Variants in LRMDA observed in about 807,000 individuals in gnomAD.
LRMDA encodes the protein leucine rich melanocyte differentiation associated.
In LRMDA, 18 loss-of-function variants were observed where a neutral mutation model predicts 29.8. The ratio of observed to expected loss-of-function variants is 0.60; its 90% CI spans 0.42 to 0.90. LRMDA has a LOEUF of 0.90. Among genes scored for constraint, LRMDA ranks in the 40% least tolerant of loss-of-function variants. The probability of loss-of-function intolerance (pLI) is 0.00; values close to 1 mark genes in which losing one functional copy is unlikely to be tolerated. For missense variants in LRMDA, 273 were observed against 273.9 expected (o/e 1.00, Z 0.02); for synonymous variants, 125 against 109.4 (o/e 1.14, Z -0.89).
chr10:75,782,671 C>T (rs1355895553), intron 2 of LRMDA: 33 of 1,079,532 alleles, frequency 3.1e-5, no homozygotes, highest in African/African-American at 8.0e-5. Flanking sequence ...TCCTCGCTGC[C>T]GGTGCAGTTC....
In LRMDA at chr10:75,910,251, A is replaced by T. The variant is rs144822807; in HGVS notation, c.132-125757A>T. 1.1e-4 allele frequency among the ~76,000 whole-genome samples: 17 copies of T among 152,302 alleles called. No individual in the cohort carries two copies. In the East Asian group the frequency reaches 3.3e-3, roughly 29 times the overall value. On this transcript the variant is annotated intron_variant, in intron 2 of 6. Coordinates refer to ENST00000611255, the MANE Select transcript of LRMDA (RefSeq NM_001305581.2). ...CCCTCTGGTGGTCAAAGTAATTCCT[A>T]TGTGGCTCTTTTAGATGAGTTGGAA...
At chr10:75,954,082 G>T (rs1373534476) in intron 2 of LRMDA, among the ~76,000 whole-genome samples, 1 of 152,212 alleles carries the variant, frequency 6.6e-6, no homozygotes, top group Non-Finnish European at 1.5e-5. Context: ...GCAGAAAGTG[G>T]ATCACAGCCA....
chr10:76,179,230 A>G (rs911221812), intron 5 of LRMDA, among the ~76,000 whole-genome samples: 1 of 152,086 alleles, frequency 6.6e-6, no homozygotes, highest in African/African-American at 2.4e-5. Context: ...ATAGGATGCA[A>G]TCAAGGAGGG....
At chr10:76,114,607 G>A (rs150177028) in intron 5 of LRMDA, among the ~76,000 whole-genome samples, 63 of 152,288 alleles carry the variant, frequency 4.1e-4, no homozygotes, top group African/African-American at 1.4e-3. Flanking sequence ...GATAGGTCGA[G>A]TTTACATAGG....
intron 2 of LRMDA, among the ~76,000 whole-genome samples, chr10:75,924,263 A>G (rs1846079756): frequency 1.3e-5 from 2 of 152,228 alleles, no homozygotes; most frequent in Non-Finnish European, 2.9e-5. Flanking sequence ...TATTAAGCAC[A>G]ACAACTACGC....
chr10:75,609,541 C>T (rs1841001564), intron 2 of LRMDA, among the ~76,000 whole-genome samples: 1 of 152,096 alleles, frequency 6.6e-6, no homozygotes, highest in African/African-American at 2.4e-5. Context: ...AGCATCTTTC[C>T]CCTTTTAAGA....
chr10:76,523,564 G>A (rs2132364532), intron 6 of LRMDA, among the ~76,000 whole-genome samples: 2 of 148,114 alleles, frequency 1.4e-5, no homozygotes, highest in Middle Eastern at 6.8e-3. Flanking sequence ...CCACTTGCTG[G>A]AGTTTTCTGC....
chr10:76,271,108 A>T (rs1170040922), intron 5 of LRMDA, among the ~76,000 whole-genome samples: 2 of 152,184 alleles, frequency 1.3e-5, no homozygotes, highest in Non-Finnish European at 2.9e-5. Flanking sequence ...ACAGATCCAT[A>T]TGTAATCAAG....
intron 2 of LRMDA, among the ~76,000 whole-genome samples, chr10:75,693,497 C>T (rs1842196127): frequency 6.6e-6 from 1 of 152,144 alleles, no homozygotes; most frequent in South Asian, 2.1e-4. Flanking sequence ...TGGGAAAGTA[C>T]CCTGTTATCC....
At chr10:76,169,610 GA>G (rs1359773928) in intron 5 of LRMDA, among the ~76,000 whole-genome samples, 5 of 152,152 alleles carry the variant, frequency 3.3e-5, no homozygotes, top group Non-Finnish European at 7.3e-5. Context: ...AGACTCAGAA[GA>G]AAGATTGGGT....
At chr10:76,276,349 G>T (rs1249140755) in intron 5 of LRMDA, among the ~76,000 whole-genome samples, 1 of 150,948 alleles carries the variant, frequency 6.6e-6, no homozygotes, top group Non-Finnish European at 1.5e-5. Flanking sequence ...TTGCTCTGTT[G>T]TCCAGACTGG....
At chr10:76,044,917 T>C (rs184625073) in intron 3 of LRMDA, among the ~76,000 whole-genome samples, 1 of 152,302 alleles carries the variant, frequency 6.6e-6, no homozygotes, top group Non-Finnish European at 1.5e-5. Context: ...TTTCCCTCTC[T>C]TGCTAGTTTC....
At chr10:76,259,659 G>T (rs1839908587) in intron 5 of LRMDA, among the ~76,000 whole-genome samples, 1 of 152,014 alleles carries the variant, frequency 6.6e-6, no homozygotes, top group African/African-American at 2.4e-5. Flanking sequence ...CTGAGAGTAA[G>T]GTGTTGAAGT....
intron 2 of LRMDA, among the ~76,000 whole-genome samples, chr10:75,810,698 G>A (rs1279097183): frequency 6.6e-6 from 1 of 152,190 alleles, no homozygotes; most frequent in Non-Finnish European, 1.5e-5. Context: ...TGGCAGCTAT[G>A]AGAGACAATT....
At chr10:75,723,953 G>GT (rs1842600359) in intron 2 of LRMDA, among the ~76,000 whole-genome samples, 4 of 152,122 alleles carry the variant, frequency 2.6e-5, no homozygotes, top group Admixed American at 2.6e-4. Context: ...TTATTTGTAT[G>GT]TTTTTTAACC....
At chr10:76,529,596 G>T (rs930228381) in intron 6 of LRMDA, among the ~76,000 whole-genome samples, 1 of 152,104 alleles carries the variant, frequency 6.6e-6, no homozygotes, top group African/African-American at 2.4e-5. Context: ...TTCTGCTGCA[G>T]GTGGCCTGCA....
chr10:75,466,979 AGCAGTTACCAAAT>A (rs772046164), intron 2 of LRMDA, among the ~76,000 whole-genome samples: 3 of 152,074 alleles, frequency 2.0e-5, no homozygotes, highest in Non-Finnish European at 4.4e-5. Context: ...TGATTTATTC[AGCAGTTACCAAAT>A]GCTTGTTGTG....
chr10:76,010,546 T>C (rs1224176770), intron 2 of LRMDA, among the ~76,000 whole-genome samples: 1 of 152,144 alleles, frequency 6.6e-6, no homozygotes, highest in African/African-American at 2.4e-5. Flanking sequence ...TCTCCTGACC[T>C]CGTGATCTGC....
chr10:75,730,544 G>C (rs557329505), intron 2 of LRMDA, among the ~76,000 whole-genome samples: 1 of 152,168 alleles, frequency 6.6e-6, no homozygotes, highest in South Asian at 2.1e-4. Flanking sequence ...GCTGCAGTCT[G>C]GATGGATTGC....
Sources: allele counts gnomAD v4.1 joint callset (sites outside exome capture counted in the v4.1 genomes callset), GRCh38; gene constraint gnomAD v4.1.1; transcripts MANE v1.5; gene names NCBI Gene and HGNC (gene_info 2026-07-23, HGNC 2026-07-21).